APTX: variants seen among roughly 807,000 people sequenced by gnomAD.
APTX encodes aprataxin.
A neutral mutation model predicts 42.3 loss-of-function variants in APTX; 33 were observed. That is an observed-to-expected ratio of 0.78 (90% CI 0.59 to 1.04). APTX has a LOEUF of 1.04. Among genes scored for constraint, APTX ranks in the 50% least tolerant of loss-of-function variants. The pLI is 0.00. For synonymous variants in APTX, 130 were observed against 146.7 expected (o/e 0.89, Z 0.82); for missense variants, 421 against 415.1 (o/e 1.01, Z -0.12).
intron 1 of APTX, among the ~76,000 whole-genome samples, chr9:32,990,632 C>A (rs1293537435): frequency 1.3e-5 from 2 of 152,140 alleles, no homozygotes. Flanking sequence ...ATAAACACTA[C>A]AAGAAGAGAG....
rs1366611747 is a variant in APTX at position 32,987,692 on chromosome 9, T to C, written c.335A>G (p.His112Arg). The C allele has an allele frequency of 6.2e-7, 1 of 1,614,200 alleles. No individual in the cohort carries two copies. The highest frequency in any genetic ancestry group is 1.7e-5 in the Admixed American group (1 of 60,030). ...GTTGCCTGATCTCTTTCTCTTCCTG[T>C]GTGTTTCCAGGCCAGGGTTCTTTGC... ...EEAKNPGLET[H>R]RKRKRSGNSD... Residue 112 changes from histidine to arginine, a missense_variant, in exon 4 of 8, where the codon CAC (histidine) becomes CGC (arginine). By Grantham distance (29) the His-to-Arg change is conservative. Coordinates refer to ENST00000379817, the MANE Select transcript of APTX (RefSeq NM_001195248.2).
chr9:33,019,616 T>C (rs993451822), intron 1 of APTX: 2 of 385,240 alleles, frequency 5.2e-6, no homozygotes, highest in South Asian at 2.5e-4. Context: ...GTAGCAACTG[T>C]GGGAATTCCC....
chr9:33,001,682 T>C (rs1386902561), upstream of APTX: 1 of 1,571,182 alleles, frequency 6.4e-7, no homozygotes, highest in Non-Finnish European at 8.7e-7. Flanking sequence ...CACCAGCACC[T>C]CTCTAACGGA....
chr9:32,990,059 T>C (rs2118873795), intron 1 of APTX, 164 bp from the exon 2 acceptor site: 1 of 790,556 alleles, frequency 1.3e-6, no homozygotes, highest in South Asian at 1.6e-5. Context: ...ACCATGATAA[T>C]GATGGGACTC....
chr9:33,001,278 G>C, intron 1 of APTX: 1 of 1,455,554 alleles, frequency 6.9e-7, no homozygotes, highest in South Asian at 1.2e-5. Flanking sequence ...TCCTTGGTTG[G>C]ACAGGGCCCA....
chr9:32,983,087 C>T (rs958460058), intron 6 of APTX, among the ~76,000 whole-genome samples: 1 of 151,982 alleles, frequency 6.6e-6, no homozygotes, highest in Non-Finnish European at 1.5e-5. Context: ...AGGTGTGCAC[C>T]ACCACCCTTG....
At chr9:32,981,380 A>G (rs985804873) in intron 6 of APTX, among the ~76,000 whole-genome samples, 1 of 152,212 alleles carries the variant, frequency 6.6e-6, no homozygotes, top group Non-Finnish European at 1.5e-5. Flanking sequence ...GGTTTTTCAC[A>G]TACAAATAAA....
Position 32,984,576 on chromosome 9 carries a change from C to A in APTX, c.770+55G>T, listed in dbSNP as rs976194739. 6 of 1,556,630 alleles carry A rather than the reference C, an allele frequency of 3.9e-6. No homozygotes were observed. The South Asian group carries it at 5.6e-5, about 14-fold the overall frequency. On this transcript the variant is annotated intron_variant, in intron 6 of 7. Coordinates refer to ENST00000379817, the MANE Select transcript of APTX (RefSeq NM_001195248.2). Reference sequence around the variant, plus strand: ...TGCCCTCAGCAAGCCCAGGCTGAATCTATCTGCCCACCTGGACAGAACCAG... The same window carrying A: ...TGCCCTCAGCAAGCCCAGGCTGAATATATCTGCCCACCTGGACAGAACCAG...
intron 1 of APTX, among the ~76,000 whole-genome samples, chr9:33,013,305 G>A (rs958456471): frequency 1.3e-5 from 2 of 152,146 alleles, no homozygotes; most frequent in African/African-American, 2.4e-5. Context: ...GAAAAAATAA[G>A]TAACTTGTTT....
intron 1 of APTX, among the ~76,000 whole-genome samples, chr9:32,993,045 G>A (rs554725087): frequency 1.2e-4 from 19 of 152,302 alleles, no homozygotes; most frequent in Admixed American, 1.1e-3. Context: ...GAAATATGTG[G>A]TGACTGACTA....
upstream of APTX, among the ~76,000 whole-genome samples, chr9:33,004,954 T>C (rs1346624667): frequency 6.6e-6 from 1 of 152,138 alleles, no homozygotes; most frequent in Non-Finnish European, 1.5e-5. Context: ...GTTACTTTTT[T>C]TTGATAGCAG....
chr9:32,988,101 T>C lies in APTX; in HGVS notation c.162A>G (p.Gly54=). 1 of 1,614,148 alleles carries C rather than the reference T, an allele frequency of 6.2e-7. No homozygotes were observed. Among genetic ancestry groups the C allele is most frequent in the East Asian group, 2.2e-5 (1 of 44,886 alleles). ...QVQLKAECNK[G]YVKVKQVGVN... The stretch of plus-strand genomic sequence containing the variant: ...CACCTACCTGCTTTACCTTGACATA[T>C]CCCTTGTTACACTCTGCTTTCAACT... The change falls in exon 3 of 8, where the codon GGA becomes GGG. Residue 54 remains glycine, a synonymous_variant. Coordinates refer to ENST00000379817, the MANE Select transcript of APTX (RefSeq NM_001195248.2).
chr9:33,023,304 A>G (rs986326869), intron 1 of APTX, among the ~76,000 whole-genome samples: 5 of 151,028 alleles, frequency 3.3e-5, no homozygotes, highest in African/African-American at 1.2e-4. Context: ...GCTCACTGCA[A>G]CCTCCGCCTC....
At chr9:32,986,052 A>AGC in intron 4 of APTX, 22 bp from the exon 5 acceptor site, 1 of 670,760 alleles carries the variant, frequency 1.5e-6, no homozygotes, top group Non-Finnish European at 2.2e-6. Context: ...ACAAAAAAAA[A>AGC]AACAAAAAAA....
At chr9:32,988,005 T>C in intron 3 of APTX, 78 bp downstream of exon 3, 2 of 1,546,652 alleles carry the variant, frequency 1.3e-6, no homozygotes, top group Non-Finnish European at 1.8e-6. Context: ...AAGCCTTCAC[T>C]GGCTGGCACA....
At chr9:33,010,633 C>T (rs1312670540) in intron 1 of APTX, among the ~76,000 whole-genome samples, 2 of 151,744 alleles carry the variant, frequency 1.3e-5, no homozygotes, top group East Asian at 1.9e-4. Flanking sequence ...GCAGGAGAAT[C>T]GCTTGAACCC....
At position 32,988,190 on chromosome 9, in the gene APTX, T is replaced by C. The variant is rs548155770; in HGVS notation, c.134-61A>G. On this transcript the variant is annotated intron_variant, in intron 2 of 7. Coordinates refer to ENST00000379817, the MANE Select transcript of APTX (RefSeq NM_001195248.2). Reference sequence around the variant, plus strand: ...ACAAAGAACCAGGCACTTGCTCCTATCTTCCCTAAAGAAAACAAGCTTCAC... The same window carrying C: ...ACAAAGAACCAGGCACTTGCTCCTACCTTCCCTAAAGAAAACAAGCTTCAC... The C allele has an allele frequency of 8.1e-5, 121 of 1,493,342 alleles. 1 individual carries two copies. In the East Asian group the frequency reaches 1.8e-3, roughly 22 times the overall value. The allele number at this position is 1,493,342 out of a possible 1,614,324, so 92.5% of individuals were successfully genotyped here.
upstream of APTX, among the ~76,000 whole-genome samples, chr9:33,006,037 T>C (rs1837110742): frequency 6.6e-6 from 1 of 151,906 alleles, no homozygotes; most frequent in Non-Finnish European, 1.5e-5. Flanking sequence ...TTTTTCAAGA[T>C]TGTTTTTGGC....
chr9:32,994,569 G>A (rs1307662500), intron 1 of APTX, among the ~76,000 whole-genome samples: 1 of 152,112 alleles, frequency 6.6e-6, no homozygotes, highest in Admixed American at 6.5e-5. Context: ...GACAGTTTGT[G>A]GCAAATCTGT....
Sources: gnomAD v4.1 joint callset for allele counts (sites outside exome capture counted in the v4.1 genomes callset) on GRCh38, gnomAD v4.1.1 for gene constraint, MANE v1.5 for transcripts, NCBI Gene and HGNC (gene_info 2026-07-23, HGNC 2026-07-21) for gene names.